The following PALLD variants were observed in gnomAD, a reference collection of about 807,000 sequenced individuals.
The protein encoded by PALLD is palladin, cytoskeletal associated protein.
Under a neutral mutation model 123.5 loss-of-function variants are expected in PALLD, and 61 were observed. The ratio of observed to expected loss-of-function variants is 0.49; its 90% CI spans 0.40 to 0.61. The LOEUF is 0.61. Among genes scored for constraint, PALLD ranks in the 20% least tolerant of loss-of-function variants. PALLD has a pLI of 0.00. For missense variants in PALLD, 1,273 were observed against 1,377.0 expected (o/e 0.92, Z 1.20); for synonymous variants, 465 against 496.4 (o/e 0.94, Z 0.84).
chr4:168,830,762 C>T (rs371579602), intron 10 of PALLD, among the ~76,000 whole-genome samples: 6 of 152,068 alleles, frequency 3.9e-5, no homozygotes, highest in African/African-American at 7.2e-5. Context: ...AAGATATTTC[C>T]GAGAGAGGAA....
intron 2 of PALLD, among the ~76,000 whole-genome samples, chr4:168,585,801 A>C (rs1158149599): frequency 1.3e-5 from 2 of 152,198 alleles, no homozygotes; most frequent in African/African-American, 4.8e-5. Flanking sequence ...TTTCCCAAAC[A>C]ATGTCAGAGT....
intron 2 of PALLD, among the ~76,000 whole-genome samples, chr4:168,635,270 C>T (rs182563678): frequency 1.1e-3 from 163 of 152,290 alleles, no homozygotes; most frequent in Non-Finnish European, 1.6e-3. Context: ...AAAGCATGGT[C>T]GATCTTTTCC....
At position 168,878,136 on chromosome 4, in the gene PALLD, G is replaced by T. The variant is rs769178706; in HGVS notation, c.1965-12786G>T. 1.3e-6 allele frequency: 2 copies of T among 1,486,118 alleles called. No individual in the cohort carries two copies. Among genetic ancestry groups the T allele is most frequent in the African/African-American group, 1.5e-5 (1 of 68,360 alleles). 92.1% of individuals were successfully genotyped at this position (1,486,118 alleles called of 1,614,324 possible). Reference sequence around the variant, plus strand: ...GGCGCTGAGCCCGAGGCCCCGTGGGGCTCCTCCTCGCCGTCGCCCCCGCCC... The same window carrying T: ...GGCGCTGAGCCCGAGGCCCCGTGGGTCTCCTCCTCGCCGTCGCCCCCGCCC... On this transcript the variant is annotated intron_variant, in intron 10 of 21. Transcript: ENST00000505667.
intron 2 of PALLD, among the ~76,000 whole-genome samples, chr4:168,578,277 C>T (rs1035333941): frequency 6.6e-6 from 1 of 152,010 alleles, no homozygotes; most frequent in Non-Finnish European, 1.5e-5. Flanking sequence ...CAGCTGGGTC[C>T]CCACCTAACG....
intron 10 of PALLD, among the ~76,000 whole-genome samples, chr4:168,789,122 CTCTT>C (rs1314459795): frequency 6.6e-6 from 1 of 152,188 alleles, no homozygotes; most frequent in African/African-American, 2.4e-5. Flanking sequence ...GACATACATA[CTCTT>C]TCGTATCTTG....
At chr4:168,896,174 C>T (rs1015864138) in intron 12 of PALLD, among the ~76,000 whole-genome samples, 3 of 149,078 alleles carry the variant, frequency 2.0e-5, no homozygotes, top group Non-Finnish European at 3.0e-5. Flanking sequence ...CGTGCCACTG[C>T]ACTCCAGCCA....
chr4:168,538,670 G>A (rs1765316678), intron 2 of PALLD, among the ~76,000 whole-genome samples: 1 of 152,100 alleles, frequency 6.6e-6, no homozygotes, highest in Non-Finnish European at 1.5e-5. Context: ...CATTGGGAAT[G>A]CTTTTGGAAT....
At chr4:168,759,797 G>A (rs568971147) in intron 10 of PALLD, among the ~76,000 whole-genome samples, 140 of 152,294 alleles carry the variant, frequency 9.2e-4, no homozygotes, top group Admixed American at 1.6e-3. Flanking sequence ...GCTAATGCCT[G>A]TAATCCCAGC....
chr4:168,640,041 C>A (rs2149865181), intron 2 of PALLD, among the ~76,000 whole-genome samples: 1 of 152,294 alleles, frequency 6.6e-6, no homozygotes, highest in Non-Finnish European at 1.5e-5. Context: ...CAGAAGTGGA[C>A]AAAGAAGTCT....
intron 10 of PALLD, among the ~76,000 whole-genome samples, chr4:168,821,857 G>A (rs955293152): frequency 2.1e-5 from 3 of 142,414 alleles, no homozygotes; most frequent in African/African-American, 7.9e-5. Context: ...TCCAGCCTGG[G>A]CAACAGAGCA....
intron 10 of PALLD, among the ~76,000 whole-genome samples, chr4:168,745,409 T>C (rs557763791): frequency 2.4e-5 from 3 of 125,688 alleles, no homozygotes; most frequent in Non-Finnish European, 5.0e-5. Context: ...CATCATTAGT[T>C]AGAGTCTGTG....
At chr4:168,568,622 TCA>T (rs774736845) in intron 2 of PALLD, among the ~76,000 whole-genome samples, 1 of 152,222 alleles carries the variant, frequency 6.6e-6, no homozygotes, top group African/African-American at 2.4e-5. Flanking sequence ...TTATGTATGC[TCA>T]CACACACTTT....
intron 10 of PALLD, among the ~76,000 whole-genome samples, chr4:168,807,568 C>T (rs546279193): frequency 6.6e-6 from 1 of 152,184 alleles, no homozygotes; most frequent in South Asian, 2.1e-4. Context: ...CGCCACCATG[C>T]CTGGCTAATT....
At chr4:168,671,387 A>G (rs1428958093) in intron 3 of PALLD, among the ~76,000 whole-genome samples, 1 of 152,222 alleles carries the variant, frequency 6.6e-6, no homozygotes, top group Non-Finnish European at 1.5e-5. Flanking sequence ...CGGGACTTCA[A>G]CAGAGATAGT....
At chr4:168,890,352 T>C (rs759272174) in intron 10 of PALLD, among the ~76,000 whole-genome samples, 1 of 152,124 alleles carries the variant, frequency 6.6e-6, no homozygotes, top group Non-Finnish European at 1.5e-5. Flanking sequence ...TCAAATAACA[T>C]TGGCCTACCC....
intron 10 of PALLD, among the ~76,000 whole-genome samples, chr4:168,723,392 A>G (rs189432150): frequency 8.9e-4 from 135 of 152,300 alleles, no homozygotes; most frequent in African/African-American, 3.1e-3. Flanking sequence ...TCAGAAGGAT[A>G]CTGAGGAGGC....
At chr4:168,576,096 G>T (rs772392615) in intron 2 of PALLD, among the ~76,000 whole-genome samples, 7 of 152,046 alleles carry the variant, frequency 4.6e-5, no homozygotes, top group Admixed American at 2.0e-4. Context: ...AGTTATTAAA[G>T]AATATATTTT....
rs1426850152 is a variant in PALLD, at chr4:168,670,793, A to G, written c.1087+2425A>G. On this transcript the variant is annotated intron_variant, in intron 3 of 21. Transcript: ENST00000505667. ...AAAAAAACAAAAAAAAAAAAACAAA[A>G]AAAACAAAAAAGCTGGGTGCAATGG... Among the ~76,000 whole-genome samples, 10 of 146,600 alleles carry G rather than the reference A, an allele frequency of 6.8e-5. No homozygotes were observed. In the East Asian group the frequency reaches 2.0e-3, roughly 29 times the overall value.
At chr4:168,832,435 A>G (rs1342243802) in intron 10 of PALLD, among the ~76,000 whole-genome samples, 3 of 151,678 alleles carry the variant, frequency 2.0e-5, no homozygotes, top group African/African-American at 4.9e-5. Context: ...CCCAGACGGG[A>G]GAAGATGCTC....
Sources: allele counts gnomAD v4.1 joint callset (sites outside exome capture counted in the v4.1 genomes callset), GRCh38; gene constraint gnomAD v4.1.1; transcripts MANE v1.5; gene names NCBI Gene and HGNC (gene_info 2026-07-23, HGNC 2026-07-21).